The following CWF19L1 variants were observed in gnomAD, a reference collection of about 807,000 sequenced individuals.
The protein encoded by CWF19L1 is CWF19 like cell cycle control factor 1.
In CWF19L1, 60 loss-of-function variants were observed where a neutral mutation model predicts 69.7. That is an observed-to-expected ratio of 0.86 (90% confidence interval 0.70 to 1.07). CWF19L1 has a LOEUF of 1.07. CWF19L1 is among the 50% of genes least tolerant of loss of function. The probability of loss-of-function intolerance (pLI) is 0.00; values close to 1 mark genes in which losing one functional copy is unlikely to be tolerated. For missense variants in CWF19L1, 591 were observed against 638.9 expected (o/e 0.92, Z 0.81); for synonymous variants, 209 against 222.2 (o/e 0.94, Z 0.53).
chr10:100,237,140 T>TC (rs766649921), intron 11 of CWF19L1, 171 bp from the exon 12 acceptor site: 2 of 817,528 alleles, frequency 2.4e-6, no homozygotes, highest in East Asian at 2.5e-5. Flanking sequence ...GACTTAAACT[T>TC]ATGAGATAGC....
chr10:100,248,372 C>A, intron 7 of CWF19L1: 1 of 825,756 alleles, frequency 1.2e-6, no homozygotes. Flanking sequence ...AAAGAGCTGT[C>A]ATCTTTGACC....
intron 9 of CWF19L1, among the ~76,000 whole-genome samples, chr10:100,245,312 A>C (rs1324479263): frequency 6.6e-6 from 1 of 152,120 alleles, no homozygotes; most frequent in African/African-American, 2.4e-5. Flanking sequence ...GAGCCCCCAC[A>C]CCTGGCCAAG....
At chr10:100,249,135 C>CT (rs1367994880) in intron 7 of CWF19L1, 5 of 426,188 alleles carry the variant, frequency 1.2e-5, no homozygotes, top group Non-Finnish European at 2.2e-5. Context: ...ATTCTTAACA[C>CT]TGTCTTCCTT....
At chr10:100,235,786 G>A (rs1242434825) in intron 12 of CWF19L1, 22 bp from the exon 13 acceptor site, 16 of 1,507,170 alleles carry the variant, frequency 1.1e-5, no homozygotes, top group Non-Finnish European at 1.3e-5. Flanking sequence ...AGAGTTGTAT[G>A]AGGATGTCCA....
chr10:100,267,141 T>A (rs1363368283), intron 1 of CWF19L1, among the ~76,000 whole-genome samples: 332 of 21,568 alleles, frequency 0.015, no homozygotes, highest in East Asian at 0.069. Context: ...CCACCCCTCC[T>A]CCTCGCAAAA....
chr10:100,247,712 T>A (rs1263196957), intron 7 of CWF19L1, among the ~76,000 whole-genome samples: 2 of 152,080 alleles, frequency 1.3e-5, no homozygotes, highest in African/African-American at 4.8e-5. Flanking sequence ...CCGACCAACA[T>A]GGAGAAATCC....
At chr10:100,257,754 G>C (rs1847263582) in intron 4 of CWF19L1, among the ~76,000 whole-genome samples, 1 of 151,982 alleles carries the variant, frequency 6.6e-6, no homozygotes, top group South Asian at 2.1e-4. Context: ...AGTCCTCTAA[G>C]CACTTTTATG....
rs11285407 is a variant in CWF19L1 at position 100,259,200 on chromosome 10, T to TA, written c.289+1017dup. Among the ~76,000 whole-genome samples the TA allele has an allele frequency of 1.5e-3, 198 of 128,424 alleles. 1 individual carries two copies. Among genetic ancestry groups the TA allele is most frequent in the Admixed American group, 2.5e-3 (31 of 12,448 alleles). 84.3% of individuals were successfully genotyped at this position (128,424 alleles called of 152,430 possible). On this transcript the variant is annotated intron_variant, in intron 4 of 13. Coordinates refer to ENST00000354105, the MANE Select transcript of CWF19L1 (RefSeq NM_018294.6). Reference sequence around the variant, plus strand: ...TGAGCAACAGAGCAAGACACTGTCTTAAAAAAAAAAAAAAAAAAGAGTTGA... The same window carrying TA: ...TGAGCAACAGAGCAAGACACTGTCTTAAAAAAAAAAAAAAAAAAAGAGTTGA...
chr10:100,265,198 A>C (rs1278078529), intron 1 of CWF19L1, among the ~76,000 whole-genome samples: 1 of 152,086 alleles, frequency 6.6e-6, no homozygotes, highest in East Asian at 1.9e-4. Flanking sequence ...TATAAAGAAA[A>C]TATTTTTGTA....
chr10:100,251,316 C>A lies in CWF19L1; in HGVS notation c.624-984G>T, dbSNP rs527696372. 1.5e-3 allele frequency among the ~76,000 whole-genome samples: 235 copies of A among 152,252 alleles called. 1 individual carries two copies. The highest frequency in any genetic ancestry group is 2.9e-3 in the Non-Finnish European group (196 of 68,018). On this transcript the variant is annotated intron_variant, in intron 6 of 13. Coordinates refer to ENST00000354105, the MANE Select transcript of CWF19L1 (RefSeq NM_018294.6). Reference sequence around the variant, plus strand: ...AAACAGTTTTCCAAAGCGGCTGCACCATTTTACACTCTCACCAGCAATGTG... The same window carrying A: ...AAACAGTTTTCCAAAGCGGCTGCACAATTTTACACTCTCACCAGCAATGTG...
intron 1 of CWF19L1, among the ~76,000 whole-genome samples, chr10:100,264,609 CAAA>C (rs34568805): frequency 6.0e-5 from 6 of 100,554 alleles, no homozygotes; most frequent in Non-Finnish European, 6.7e-5. Context: ...CCTACGTATT[CAAA>C]AAAAAAAAAA....
At chr10:100,262,194 T>C in intron 1 of CWF19L1, 131 bp from the exon 2 acceptor site, 1 of 1,403,460 alleles carries the variant, frequency 7.1e-7, no homozygotes, top group East Asian at 2.8e-5. Context: ...CAAGGTTCAG[T>C]GCACGTAAAC....
In CWF19L1 at chr10:100,265,248, CAA is replaced by C. The variant is rs1182644316; in HGVS notation, c.23+2321_23+2322del. ...GTTTTATGTCTTAGCTGTGTTATAA[CAA>C]GAGTCAAAAAGTGTAAAAAAACTTA... On this transcript the variant is annotated intron_variant, in intron 1 of 13. Transcript: ENST00000354105. Among the ~76,000 whole-genome samples the C allele has an allele frequency of 2.0e-5, 3 of 151,610 alleles. No individual in the cohort carries two copies. In the South Asian group the frequency reaches 6.2e-4, roughly 31 times the overall value.
intron 7 of CWF19L1, 64 bp from the exon 8 acceptor site, chr10:100,246,999 A>G (rs1846848072): frequency 7.1e-7 from 1 of 1,406,464 alleles, no homozygotes; most frequent in Non-Finnish European, 9.6e-7. Context: ...TAATCAACCT[A>G]TTTTACTGTG....
intron 7 of CWF19L1, chr10:100,248,518 A>G: frequency 1.4e-6 from 1 of 692,608 alleles, no homozygotes; most frequent in Admixed American, 2.0e-5. Flanking sequence ...AAAGATTTAC[A>G]GAATGTCAAC....
chr10:100,267,457 GTCTCTCCGCCTTT>G, intron 1 of CWF19L1, 101 bp downstream of exon 1: 1 of 1,600,386 alleles, frequency 6.2e-7, no homozygotes, highest in South Asian at 1.1e-5. Flanking sequence ...GCAGCCCCGT[GTCTCTCCGCCTTT>G]TCCTTCTCCC....
At chr10:100,235,630 G>A in intron 13 of CWF19L1, 37 bp downstream of exon 13, 1 of 1,402,998 alleles carries the variant, frequency 7.1e-7, no homozygotes, top group Non-Finnish European at 1.0e-6. Context: ...TTCATAGCAG[G>A]TCTAGTGAAA....
chr10:100,265,481 CCTTT>C (rs1847545068), intron 1 of CWF19L1, among the ~76,000 whole-genome samples: 1 of 142,870 alleles, frequency 7.0e-6, no homozygotes, highest in Admixed American at 6.8e-5. Flanking sequence ...CAGGTTGTGC[CCTTT>C]TTTTTTTTCC....
At chr10:100,266,043 T>A (rs1589638350) in intron 1 of CWF19L1, among the ~76,000 whole-genome samples, 1 of 152,226 alleles carries the variant, frequency 6.6e-6, no homozygotes, top group East Asian at 1.9e-4. Context: ...ACCCTGCTGT[T>A]AAGCAATGGA....
Sources: allele counts gnomAD v4.1 joint callset (sites outside exome capture counted in the v4.1 genomes callset), GRCh38; gene constraint gnomAD v4.1.1; transcripts MANE v1.5; gene names NCBI Gene and HGNC (gene_info 2026-07-23, HGNC 2026-07-21).